COPS7A: variants seen among roughly 807,000 people sequenced by gnomAD.
COPS7A encodes the protein COP9 signalosome subunit 7A, also known as COP9 signalosome complex subunit 7a.
A neutral mutation model predicts 35.2 loss-of-function variants in COPS7A; 20 were observed. The ratio of observed to expected loss-of-function variants is 0.57; its 90% CI spans 0.40 to 0.83. The LOEUF (loss-of-function observed/expected upper bound fraction) is 0.83. COPS7A is among the 40% of genes least tolerant of loss of function. The pLI, the probability that COPS7A is intolerant of heterozygous loss-of-function variation, is 0.00. For synonymous variants in COPS7A, 139 were observed against 141.4 expected (o/e 0.98, Z 0.12); for missense variants, 247 against 347.5 (o/e 0.71, Z 2.30).
chr12:6,726,854 C>T (rs537064962), intron 2 of COPS7A, among the ~76,000 whole-genome samples: 30 of 152,258 alleles, frequency 2.0e-4, no homozygotes, highest in Non-Finnish European at 3.5e-4. Context: ...TGGAGCTTAC[C>T]CTTCTGAAGC....
At position 6,728,320 on chromosome 12, in the gene COPS7A, C is replaced by T; in HGVS notation, c.327+9C>T. ...TGGCTGCTAAAGTAAAGGTGAGTGG[C>T]AGTCCCCCAGTCCTACGGTCTAGAG... On this transcript the variant is annotated intron_variant, in intron 4 of 7. Coordinates refer to ENST00000543155, the MANE Select transcript of COPS7A (RefSeq NM_001164094.2). 1 of 1,607,536 alleles carries T rather than the reference C, an allele frequency of 6.2e-7. No individual in the cohort carries two copies. The highest frequency in any genetic ancestry group is 8.5e-7 in the Non-Finnish European group (1 of 1,174,088).
chr12:6,728,150 G>A, intron 3 of COPS7A, 73 bp from the exon 4 acceptor site: 1 of 1,498,718 alleles, frequency 6.7e-7, no homozygotes. Flanking sequence ...GAAAGTGGGA[G>A]GGAAGGGAAG....
chr12:6,724,209 G>T (rs974032196), intron 1 of COPS7A, 30 bp downstream of exon 1: 8 of 269,646 alleles, frequency 3.0e-5, no homozygotes, highest in Non-Finnish European at 6.0e-5. Context: ...GGGAGCCCAC[G>T]GTCGCTGGGC....
At position 6,729,175 on chromosome 12, in the gene COPS7A, G is replaced by A; in HGVS notation, c.328-72G>A. The A allele has an allele frequency of 6.5e-7, 1 of 1,527,900 alleles. No homozygotes were observed. Among genetic ancestry groups the A allele is most frequent in the South Asian group, 1.1e-5 (1 of 88,884 alleles). The allele number at this position is 1,527,900 out of a possible 1,614,324, so 94.6% of individuals were successfully genotyped here. ...AGGTGGGCTAGGGCAGGGGGAAAAG[G>A]AGGGAAGATTTTTGGAAGCCCTTCT... On this transcript the variant is annotated intron_variant, in intron 4 of 7. Transcript: ENST00000543155. This position sits in a 1 kb window ranked among gnomAD's most constrained non-coding sequence, Gnocchi z 4.2.
Position 6,728,297 on chromosome 12 carries a change from G to A in COPS7A, c.313G>A (p.Ala105Thr). The A allele has an allele frequency of 6.2e-7, 1 of 1,613,980 alleles. No homozygotes were observed. Among genetic ancestry groups the A allele is most frequent in the Admixed American group, 1.7e-5 (1 of 60,012 alleles). The part of the protein sequence containing the change: ...KLRHLSVVTL[A>T]AKVKCIPYAV... ...TCGACACCTCTCAGTTGTCACCCTG[G>A]CTGCTAAAGTAAAGGTGAGTGGCAG... Residue 105 changes from alanine to threonine, a missense_variant, in exon 4 of 8, where the codon GCT becomes ACT. Coordinates refer to ENST00000543155, the MANE Select transcript of COPS7A (RefSeq NM_001164094.2).
At chr12:6,729,000 T>G in intron 4 of COPS7A, 1 of 502,196 alleles carries the variant, frequency 2.0e-6, no homozygotes. Flanking sequence ...TTCTGTGGTG[T>G]GTCAGGGGTG....
At chr12:6,726,735 T>C (rs1941266899) in intron 2 of COPS7A, among the ~76,000 whole-genome samples, 1 of 150,078 alleles carries the variant, frequency 6.7e-6, no homozygotes, top group Admixed American at 6.6e-5. Context: ...CACTCCAGCC[T>C]GGGTGACAGT....
At chr12:6,727,864 G>A in intron 2 of COPS7A, 62 bp from the exon 3 acceptor site, 36 of 1,526,544 alleles carry the variant, frequency 2.4e-5, no homozygotes, top group Non-Finnish European at 3.1e-5. Context: ...TCCAAACAGG[G>A]TAAGGCTGGG....
intron 2 of COPS7A, 110 bp downstream of exon 2, chr12:6,724,928 A>C: frequency 8.4e-7 from 1 of 1,192,542 alleles, no homozygotes; most frequent in Non-Finnish European, 1.2e-6. Flanking sequence ...GTTGAACAAG[A>C]AAACAGTGAT....
intron 1 of COPS7A, 64 bp from the exon 2 acceptor site, chr12:6,724,550 G>A (rs1941200707): frequency 1.5e-6 from 2 of 1,358,128 alleles, no homozygotes; most frequent in Admixed American, 1.7e-5. Context: ...CAGTCCCTCA[G>A]CCTTGTGCTT....
chr12:6,725,752 AC>A, intron 2 of COPS7A: 1 of 456,058 alleles, frequency 2.2e-6, no homozygotes. Context: ...TGACATGCTG[AC>A]AGTGGTATGT....
chr12:6,728,578 G>A (rs1941314494), intron 4 of COPS7A, among the ~76,000 whole-genome samples: 2 of 152,180 alleles, frequency 1.3e-5, no homozygotes, highest in South Asian at 2.1e-4. Flanking sequence ...TTCAGGTGTC[G>A]TTCAACAATA....
In COPS7A at chr12:6,730,768, G is replaced by A; in HGVS notation, c.736G>A (p.Ala246Thr). ...ACACCTGACTGAGCTGAGGGAACCA[G>A]CTCCTGGCACCAACCAGCGCCAGCC... The part of the protein sequence containing the change: ...EQHLTELREP[A>T]PGTNQRQPSK... Residue 246 changes from alanine to threonine, a missense_variant, in exon 7 of 8, where the codon GCT becomes ACT. Ala to Thr is a moderately conservative substitution (Grantham distance 58). Coordinates refer to ENST00000543155, the MANE Select transcript of COPS7A (RefSeq NM_001164094.2). 1.2e-6 allele frequency: 2 copies of A among 1,614,212 alleles called. No homozygotes were observed. Among genetic ancestry groups the A allele is most frequent in the Non-Finnish European group, 1.7e-6 (2 of 1,180,034 alleles).
Position 6,730,382 on chromosome 12 carries a change from C to T in COPS7A, c.531-20C>T, listed in dbSNP as rs1362132880. ...TCGCAGCCCTTGTCTGCTGACACTT[C>T]TCTCCCCTGACTCCTGCAGGTGTGT... On this transcript the variant is annotated intron_variant, in intron 5 of 7. Transcript: ENST00000543155. 1 of 1,611,848 alleles carries T rather than the reference C, an allele frequency of 6.2e-7. No homozygotes were observed.
Position 6,731,125 on chromosome 12 carries a change from T to C in COPS7A, c.*86T>C. ...GTCCTCAGAGAGCCTTCTGTGCCCC[T>C]GGCCAGCTGATAATCCTAGGTTCAT... On this transcript the variant is annotated 3_prime_UTR_variant, in exon 8 of 8. Coordinates refer to ENST00000543155, the MANE Select transcript of COPS7A (RefSeq NM_001164094.2). 1 of 1,612,650 alleles carries C rather than the reference T, an allele frequency of 6.2e-7. No homozygotes were observed. Among genetic ancestry groups the C allele is most frequent in the Non-Finnish European group, 8.5e-7 (1 of 1,179,452 alleles).
chr12:6,729,458 C>T lies in COPS7A; in HGVS notation c.530+9C>T, dbSNP rs549997204. The T allele has an allele frequency of 1.5e-5, 24 of 1,611,762 alleles. No individual in the cohort carries two copies. In the Middle Eastern group the frequency reaches 8.6e-4, roughly 58 times the overall value. Reference sequence around the variant, plus strand: ...CGAACCCTGCAGGAATGGTGAGAACCGTATCCTGGCACTGTCCCCTTCTCA... The same window carrying T: ...CGAACCCTGCAGGAATGGTGAGAACTGTATCCTGGCACTGTCCCCTTCTCA... On this transcript the variant is annotated intron_variant, in intron 5 of 7. Transcript: ENST00000543155. The surrounding 1 kb of genome is among the most constrained non-coding windows in gnomAD (Gnocchi z 4.2).
chr12:6,731,701 A>C lies in COPS7A; in HGVS notation c.*662A>C, dbSNP rs1295713067. 7 of 152,554 alleles carry C rather than the reference A, an allele frequency of 4.6e-5. No individual in the cohort carries two copies. The Admixed American group carries it at 4.6e-4, about 10-fold the overall frequency. 9.5% of individuals were successfully genotyped at this position (152,554 alleles called of 1,614,324 possible). ...AGATGATTCTTTCTTGGCCCTGGCC[A>C]TCTCGGGAAGCTTGATGGCAATCCT... is the stretch of plus-strand genomic sequence containing the variant. On this transcript the variant is annotated 3_prime_UTR_variant, in exon 8 of 8. Coordinates refer to ENST00000543155, the MANE Select transcript of COPS7A (RefSeq NM_001164094.2).
In COPS7A at chr12:6,729,009, T is replaced by G. The variant is rs1592471223; in HGVS notation, c.328-238T>G. 1.2e-5 allele frequency: 6 copies of G among 512,208 alleles called. No homozygotes were observed. Among genetic ancestry groups the G allele is most frequent in the Non-Finnish European group, 1.4e-5 (4 of 282,304 alleles). 31.7% of individuals were successfully genotyped at this position (512,208 alleles called of 1,614,324 possible). A position where few individuals can be genotyped will look rare whatever the true frequency, so the allele number is the denominator to read the frequency against. ...TTCTCCTTCTGTGGTGTGTCAGGGGTGAGGGTGTTAGGGGAGCATTTTGTA... is the reference window on the plus strand; with the variant it reads ...TTCTCCTTCTGTGGTGTGTCAGGGGGGAGGGTGTTAGGGGAGCATTTTGTA... On this transcript the variant is annotated intron_variant, in intron 4 of 7. Transcript: ENST00000543155. This position sits in a 1 kb window ranked among gnomAD's most constrained non-coding sequence, Gnocchi z 4.2.
At chr12:6,726,574 G>A (rs1175331287) in intron 2 of COPS7A, among the ~76,000 whole-genome samples, 1 of 149,512 alleles carries the variant, frequency 6.7e-6, no homozygotes, top group Non-Finnish European at 1.5e-5. Context: ...CTGCATTCCA[G>A]CCTGGGCAAC....
Sources: allele counts gnomAD v4.1 joint callset (sites outside exome capture counted in the v4.1 genomes callset), GRCh38; gene constraint gnomAD v4.1.1; non-coding constraint Gnocchi (gnomAD v3.1); transcripts MANE v1.5; gene names NCBI Gene and HGNC (gene_info 2026-07-23, HGNC 2026-07-21).